Variants in CTNND2 observed in about 807,000 individuals in gnomAD.
CTNND2 encodes catenin delta 2, also known as catenin delta-2.
Under a neutral mutation model 144.4 loss-of-function variants are expected in CTNND2, and 22 were observed. The ratio of observed to expected loss-of-function variants is 0.15; its 90% CI spans 0.11 to 0.22. The LOEUF (loss-of-function observed/expected upper bound fraction) is 0.22, where lower values mean the gene tolerates loss of function less well. Ranked by LOEUF, CTNND2 falls within the 10% of genes least tolerant of loss-of-function variation. CTNND2 has a pLI of 1.00. For missense variants in CTNND2, 1,353 were observed against 1,618.8 expected (o/e 0.84, Z 2.82); for synonymous variants, 751 against 695.6 (o/e 1.08, Z -1.25).
At chr5:11,603,577 T>C (rs1366372604) in intron 2 of CTNND2, among the ~76,000 whole-genome samples, 1 of 152,168 alleles carries the variant, frequency 6.6e-6, no homozygotes, top group Non-Finnish European at 1.5e-5. Flanking sequence ...TAGAGTTTGC[T>C]ACATTCAGCC....
chr5:11,895,874 G>A (rs1299737468), intron 1 of CTNND2, among the ~76,000 whole-genome samples: 1 of 152,126 alleles, frequency 6.6e-6, no homozygotes, highest in African/African-American at 2.4e-5. Context: ...AATATTAATA[G>A]AGAAGCAAAT....
At chr5:11,467,116 G>A (rs1464131271) in intron 3 of CTNND2, among the ~76,000 whole-genome samples, 1 of 152,236 alleles carries the variant, frequency 6.6e-6, no homozygotes, top group Non-Finnish European at 1.5e-5. Context: ...CCAGGCTGGT[G>A]CCCATACCAT....
rs564653981 is a variant in CTNND2 at position 10,989,376 on chromosome 5, G to T, written c.3212-1134C>A. ...TTGTTTACCCTCAACACTCACTTGAGAATTTATGGATGCCCAGAGCCCATC... is the reference window on the plus strand; with the variant it reads ...TTGTTTACCCTCAACACTCACTTGATAATTTATGGATGCCCAGAGCCCATC... On this transcript the variant is annotated intron_variant, in intron 19 of 21. Transcript: ENST00000304623. Among the ~76,000 whole-genome samples, 8 of 152,296 alleles carry T rather than the reference G, an allele frequency of 5.3e-5. No individual in the cohort carries two copies. In the South Asian group the frequency reaches 1.7e-3, roughly 32 times the overall value.
intron 9 of CTNND2, among the ~76,000 whole-genome samples, chr5:11,253,309 T>C (rs1261019706): frequency 1.3e-5 from 2 of 152,200 alleles, no homozygotes; most frequent in African/African-American, 2.4e-5. Context: ...AATTAAGGAC[T>C]ATTGATATGG....
At chr5:10,979,772 T>C (rs1484369001) in intron 21 of CTNND2, among the ~76,000 whole-genome samples, 1 of 152,202 alleles carries the variant, frequency 6.6e-6, no homozygotes, top group Non-Finnish European at 1.5e-5. Flanking sequence ...CATCTGATCT[T>C]TGACAAACCT....
At chr5:11,049,896 T>C (rs1175090258) in intron 16 of CTNND2, among the ~76,000 whole-genome samples, 1 of 152,200 alleles carries the variant, frequency 6.6e-6, no homozygotes, top group Non-Finnish European at 1.5e-5. Context: ...TGGAGGGAAA[T>C]ACTCTTCTGT....
chr5:11,592,897 T>C (rs1168344838), intron 2 of CTNND2, among the ~76,000 whole-genome samples: 1 of 150,612 alleles, frequency 6.6e-6, no homozygotes, highest in African/African-American at 2.4e-5. Context: ...TTGTGTGGTA[T>C]CCACATAAGG....
intron 2 of CTNND2, among the ~76,000 whole-genome samples, chr5:11,680,902 T>C (rs1168689685): frequency 6.6e-6 from 1 of 152,074 alleles, no homozygotes; most frequent in East Asian, 1.9e-4. Context: ...CACCACTCAC[T>C]CACAACAGGA....
At chr5:11,205,915 C>T (rs569763255) in intron 10 of CTNND2, among the ~76,000 whole-genome samples, 2 of 152,204 alleles carry the variant, frequency 1.3e-5, no homozygotes, top group South Asian at 2.1e-4. Context: ...ATCTTAAAAC[C>T]GGTTTCCCCC....
chr5:11,847,136 A>ATC (rs1794778930), intron 1 of CTNND2, among the ~76,000 whole-genome samples: 1 of 34,672 alleles, frequency 2.9e-5, no homozygotes, highest in African/African-American at 1.5e-4. Flanking sequence ...TTTTATATAT[A>ATC]TATATATATA....
chr5:11,060,514 C>A (rs1488165744), intron 16 of CTNND2, among the ~76,000 whole-genome samples: 1 of 152,294 alleles, frequency 6.6e-6, no homozygotes, highest in East Asian at 1.9e-4. Context: ...ATACCCAACA[C>A]GAGAGTCTAG....
intron 16 of CTNND2, among the ~76,000 whole-genome samples, chr5:11,056,441 T>A (rs1746359491): frequency 6.6e-6 from 1 of 152,224 alleles, no homozygotes. Context: ...TAATGACATA[T>A]TTGCCCCTCC....
intron 3 of CTNND2, among the ~76,000 whole-genome samples, chr5:11,435,146 T>TTTATTTAA (rs1554057786): frequency 6.7e-6 from 1 of 150,204 alleles, no homozygotes. Flanking sequence ...TATTTATTTA[T>TTTATTTAA]TTAATTTTTT....
chr5:11,245,271 TG>T (rs1306755629), intron 9 of CTNND2, among the ~76,000 whole-genome samples: 1 of 152,202 alleles, frequency 6.6e-6, no homozygotes, highest in Non-Finnish European at 1.5e-5. Flanking sequence ...TGGGAAAGAC[TG>T]AAGAGTGGCC....
chr5:11,217,658 T>C (rs1739334507), intron 10 of CTNND2, among the ~76,000 whole-genome samples: 1 of 152,166 alleles, frequency 6.6e-6, no homozygotes, highest in South Asian at 2.1e-4. Context: ...TATTTGAAAT[T>C]TTCCAGGGTC....
chr5:11,512,425 C>T (rs1030426734), intron 3 of CTNND2, among the ~76,000 whole-genome samples: 1 of 152,194 alleles, frequency 6.6e-6, no homozygotes, highest in Non-Finnish European at 1.5e-5. Context: ...TATCAATTTC[C>T]CACAAAGTGT....
intron 1 of CTNND2, among the ~76,000 whole-genome samples, chr5:11,801,259 C>T (rs147090885): frequency 2.0e-5 from 3 of 152,224 alleles, no homozygotes; most frequent in African/African-American, 7.2e-5. Context: ...TGAGCCAACA[C>T]AGAACAAATG....
chr5:11,579,876 C>T (rs1450596905), intron 2 of CTNND2, among the ~76,000 whole-genome samples: 5 of 152,164 alleles, frequency 3.3e-5, no homozygotes, highest in South Asian at 2.1e-4. Context: ...TCCCCGGCTG[C>T]GGCGTCCAGC....
At chr5:11,442,390 G>C (rs1764344907) in intron 3 of CTNND2, among the ~76,000 whole-genome samples, 2 of 152,016 alleles carry the variant, frequency 1.3e-5, no homozygotes, top group Non-Finnish European at 2.9e-5. Flanking sequence ...TTGCTTAGTG[G>C]TTCAGTATTA....
Sources: gnomAD v4.1 joint callset for allele counts (sites outside exome capture counted in the v4.1 genomes callset) on GRCh38, gnomAD v4.1.1 for gene constraint, MANE v1.5 for transcripts, NCBI Gene and HGNC (gene_info 2026-07-23, HGNC 2026-07-21) for gene names.